Variants in ABR observed in about 807,000 individuals in gnomAD.
ABR encodes ABR activator of RhoGEF and GTPase, also known as active breakpoint cluster region-related protein.
In ABR, 35 loss-of-function variants were observed where a neutral mutation model predicts 107.2. The observed-to-expected ratio is 0.33, with a 90% CI of 0.25 to 0.43. The LOEUF (loss-of-function observed/expected upper bound fraction) is 0.43, where lower values mean the gene tolerates loss of function less well. ABR is among the 20% of genes least tolerant of loss of function. The pLI, the probability that ABR is intolerant of heterozygous loss-of-function variation, is 1.00. For synonymous variants in ABR, 498 were observed against 462.0 expected, an observed-to-expected ratio of 1.08 and a Z score of -1.00; for missense variants, 815 against 1,115.2, an observed-to-expected ratio of 0.73 and a Z score of 3.83.
rs182232752 is a variant in ABR, at chr17:1,022,181, G to A, written c.1792-9017C>T. Among the ~76,000 whole-genome samples the A allele has an allele frequency of 7.5e-4, 114 of 151,810 alleles. 1 individual carries two copies. The highest frequency in any genetic ancestry group is 2.6e-3 in the African/African-American group (106 of 41,364). On this transcript the variant is annotated intron_variant, in intron 16 of 22. Transcript: ENST00000302538. ...AAGTGGCCCCCGGACAGGGAACCACGTGGAAGGTGGAGCTGTGTGGGCACA... is the reference window on the plus strand; with the variant it reads ...AAGTGGCCCCCGGACAGGGAACCACATGGAAGGTGGAGCTGTGTGGGCACA...
Position 1,092,348 on chromosome 17 carries a change from C to T in ABR, c.346-498G>A, listed in dbSNP as rs1396668611. Among the ~76,000 whole-genome samples, 1 of 151,632 alleles carries T rather than the reference C, an allele frequency of 6.6e-6. No individual in the cohort carries two copies. Among genetic ancestry groups the T allele is most frequent in the Non-Finnish European group, 1.5e-5 (1 of 68,030 alleles). On this transcript the variant is annotated intron_variant, in intron 3 of 22. Transcript: ENST00000302538. The surrounding 1 kb of genome is among the most constrained non-coding windows in gnomAD (Gnocchi z 4.6). ...TGGCCTCACTGATGTTCCAAGTTCC[C>T]GTCACTTGGCACAGGGAGAGGCATG...
At chr17:1,065,728 T>C (rs1471906224) in intron 10 of ABR, among the ~76,000 whole-genome samples, 1 of 148,938 alleles carries the variant, frequency 6.7e-6, no homozygotes, top group Non-Finnish European at 1.5e-5. Flanking sequence ...CAGTTTGAAC[T>C]TTCCAAACCA....
intron 1 of ABR, among the ~76,000 whole-genome samples, chr17:1,130,890 G>C (rs1049811264): frequency 6.6e-6 from 1 of 152,208 alleles, no homozygotes; most frequent in African/African-American, 2.4e-5. Flanking sequence ...ACTCTGCCCC[G>C]GCAGCCTGGG....
Position 1,012,346 on chromosome 17 carries a change from C to T in ABR, c.1961+342G>A, listed in dbSNP as rs767555181. On this transcript the variant is annotated intron_variant, in intron 18 of 22. Transcript: ENST00000302538. ...ACAAGGGGCCAGGGTGGTGGTGAAC[C>T]GGGGGACACGTGCCCTTTCCCGAGG... 1.8e-4 allele frequency: 118 copies of T among 641,670 alleles called. 5 individuals carry two copies. Among genetic ancestry groups the T allele is most frequent in the South Asian group, 9.7e-4 (64 of 66,236 alleles). 39.7% of individuals were successfully genotyped at this position (641,670 alleles called of 1,614,324 possible).
chr17:1,031,031 C>T (rs1400311008), intron 16 of ABR, among the ~76,000 whole-genome samples: 4 of 152,338 alleles, frequency 2.6e-5, no homozygotes, highest in East Asian at 1.9e-4. Context: ...GGGGCACCGG[C>T]GGTCTGCCCT....
intron 6 of ABR, chr17:1,079,028 T>TGGC: frequency 2.0e-6 from 2 of 1,010,780 alleles, no homozygotes; most frequent in Non-Finnish European, 2.4e-6. Context: ...GGGAGGCGCG[T>TGGC]GGCGAGGAGA....
At chr17:1,191,607 TG>T (rs545714438), upstream of ABR, among the ~76,000 whole-genome samples, 12 of 152,106 alleles carry the variant, frequency 7.9e-5, no homozygotes, top group African/African-American at 2.9e-4. Context: ...CCACCTGCCT[TG>T]GCCTCCCAAA....
intron 1 of ABR, among the ~76,000 whole-genome samples, chr17:1,212,207 T>C (rs116241126): frequency 0.016 from 2,497 of 151,364 alleles, 68 homozygotes; most frequent in African/African-American, 0.058. Context: ...GGCAGGAAGA[T>C]CTCTCGAGTC....
chr17:1,068,243 T>C (rs2034917430), intron 9 of ABR, among the ~76,000 whole-genome samples: 1 of 152,234 alleles, frequency 6.6e-6, no homozygotes, highest in East Asian at 1.9e-4. Context: ...AGTCATCCCT[T>C]TATTGACGTT....
chr17:1,061,823 C>T (rs557786725), intron 10 of ABR, among the ~76,000 whole-genome samples: 6 of 152,244 alleles, frequency 3.9e-5, no homozygotes, highest in Non-Finnish European at 7.4e-5. Flanking sequence ...CTGGGATTAC[C>T]GGTGTAAACC....
chr17:1,066,023 G>A (rs2034702926), intron 10 of ABR, among the ~76,000 whole-genome samples: 1 of 152,164 alleles, frequency 6.6e-6, no homozygotes, highest in Non-Finnish European at 1.5e-5. Flanking sequence ...GGGATTACAG[G>A]CATGATCCAC....
intron 3 of ABR, among the ~76,000 whole-genome samples, chr17:1,096,378 C>T (rs1326874282): frequency 1.3e-5 from 2 of 152,134 alleles, no homozygotes; most frequent in Non-Finnish European, 2.9e-5. Flanking sequence ...ATGGAGGGAA[C>T]GAATTTCTTC....
chr17:1,065,175 T>C (rs371322613), intron 10 of ABR, among the ~76,000 whole-genome samples: 1 of 18,016 alleles, frequency 5.6e-5, no homozygotes, highest in African/African-American at 3.9e-4. Flanking sequence ...CATGTTCCTC[T>C]AGACGCTGTT....
intron 9 of ABR, among the ~76,000 whole-genome samples, chr17:1,067,577 A>C (rs1452849226): frequency 1.3e-5 from 2 of 152,074 alleles, no homozygotes; most frequent in Non-Finnish European, 2.9e-5. Context: ...CCTATTCCCC[A>C]CCACAATCCC....
intron 2 of ABR, among the ~76,000 whole-genome samples, chr17:1,109,759 C>A (rs2038547009): frequency 6.6e-6 from 1 of 152,132 alleles, no homozygotes; most frequent in African/African-American, 2.4e-5. Context: ...AACAGACAGG[C>A]CTGACCTGCC....
At chr17:1,012,047 C>T (rs554385307) in intron 18 of ABR, 62 bp from the exon 19 acceptor site, 2 of 1,604,634 alleles carry the variant, frequency 1.2e-6, no homozygotes, top group Admixed American at 3.3e-5. Context: ...CGTAGCAACC[C>T]CCACCCAGCA....
At chr17:1,149,933 A>G (rs973948075) in intron 1 of ABR, among the ~76,000 whole-genome samples, 1 of 152,148 alleles carries the variant, frequency 6.6e-6, no homozygotes, top group Admixed American at 6.5e-5. Flanking sequence ...ACATAACAAC[A>G]TCATCCCATG....
At position 1,027,957 on chromosome 17, in the gene ABR, G is replaced by C. The variant is rs898686093; in HGVS notation, c.1792-14793C>G. ...GCACCTGTGTACCCTCGATGGCCAA[G>C]TGAGTGGTAGAGTGAACCTCTGGGG... On this transcript the variant is annotated intron_variant, in intron 16 of 22. Coordinates refer to ENST00000302538, the MANE Select transcript of ABR (RefSeq NM_021962.5). This position sits in a 1 kb window ranked among gnomAD's most constrained non-coding sequence, Gnocchi z 4.7. Among the ~76,000 whole-genome samples, 2 of 152,150 alleles carry C rather than the reference G, an allele frequency of 1.3e-5. No individual in the cohort carries two copies. Among genetic ancestry groups the C allele is most frequent in the African/African-American group, 4.8e-5 (2 of 41,434 alleles).
At position 1,148,813 on chromosome 17, in the gene ABR, T is replaced by C. The variant is rs1042764457; in HGVS notation, c.62-23446A>G. The stretch of plus-strand genomic sequence containing the variant: ...GACGGTGCTGATGGCCGCACCAGAG[T>C]GTGAACGTGCCTCGGGCCACTGATG... On this transcript the variant is annotated intron_variant, in intron 1 of 22. Coordinates refer to ENST00000302538, the MANE Select transcript of ABR (RefSeq NM_021962.5). The surrounding 1 kb of genome is among the most constrained non-coding windows in gnomAD (Gnocchi z 4.9). Among the ~76,000 whole-genome samples the C allele has an allele frequency of 4.6e-5, 7 of 152,172 alleles. No individual in the cohort carries two copies. Among genetic ancestry groups the C allele is most frequent in the Non-Finnish European group, 8.8e-5 (6 of 68,032 alleles).
Sources: gnomAD v4.1 joint callset for allele counts (sites outside exome capture counted in the v4.1 genomes callset) on GRCh38, gnomAD v4.1.1 for gene constraint, Gnocchi (gnomAD v3.1) non-coding constraint, MANE v1.5 for transcripts, NCBI Gene and HGNC (gene_info 2026-07-23, HGNC 2026-07-21) for gene names.